The following RNF111 variants were observed in gnomAD, a reference collection of about 807,000 sequenced individuals.
RNF111 encodes ring finger protein 111.
A neutral mutation model predicts 95.1 loss-of-function variants in RNF111; 17 were observed. The ratio of observed to expected loss-of-function variants is 0.18; its 90% confidence interval spans 0.12 to 0.27. The LOEUF (loss-of-function observed/expected upper bound fraction) is 0.27, where lower values mean the gene tolerates loss of function less well. Ranked by LOEUF, RNF111 falls within the 10% of genes least tolerant of loss-of-function variation. RNF111 has a pLI of 1.00. For synonymous variants in RNF111, 440 were observed against 414.8 expected (o/e 1.06, Z -0.74); for missense variants, 1,189 against 1,210.4 (o/e 0.98, Z 0.26).
chr15:59,065,516 A>G (rs1260850341), intron 5 of RNF111, among the ~76,000 whole-genome samples: 1 of 152,232 alleles, frequency 6.6e-6, no homozygotes, highest in Non-Finnish European at 1.5e-5. Context: ...AAAGGAGGTT[A>G]AATAACTTCC....
At chr15:59,024,762 T>TC (rs2040515817) in intron 1 of RNF111, among the ~76,000 whole-genome samples, 1 of 152,216 alleles carries the variant, frequency 6.6e-6, no homozygotes, top group Non-Finnish European at 1.5e-5. Flanking sequence ...GTGCAACATC[T>TC]CCATCTATTT....
At chr15:59,071,793 T>A (rs2042940621) in intron 6 of RNF111, among the ~76,000 whole-genome samples, 2 of 152,178 alleles carry the variant, frequency 1.3e-5, no homozygotes, top group Non-Finnish European at 2.9e-5. Flanking sequence ...GGGCTTTCCC[T>A]AAAATCGTAT....
At chr15:59,011,735 T>C (rs1462061106) in intron 1 of RNF111, among the ~76,000 whole-genome samples, 1 of 152,184 alleles carries the variant, frequency 6.6e-6, no homozygotes, top group African/African-American at 2.4e-5. Flanking sequence ...TTCATATGAC[T>C]TCATCTAACA....
chr15:59,073,292 T>C (rs1047834263), intron 6 of RNF111, among the ~76,000 whole-genome samples: 19 of 152,082 alleles, frequency 1.2e-4, no homozygotes, highest in Admixed American at 4.6e-4. Flanking sequence ...GTGGGCAACA[T>C]GGTGAAACCT....
intron 7 of RNF111, among the ~76,000 whole-genome samples, chr15:59,079,493 TAGTTG>T (rs2078672811): frequency 6.6e-6 from 1 of 152,248 alleles, no homozygotes; most frequent in Non-Finnish European, 1.5e-5. Context: ...TTTGAAAATA[TAGTTG>T]AGTTATTGTT....
intron 2 of RNF111, among the ~76,000 whole-genome samples, chr15:59,032,840 A>T (rs1312731589): frequency 1.3e-5 from 2 of 152,158 alleles, no homozygotes; most frequent in Non-Finnish European, 2.9e-5. Context: ...GGTAGGGACT[A>T]TTTCCTATCA....
At chr15:58,996,121 T>C (rs532844204) in intron 1 of RNF111, among the ~76,000 whole-genome samples, 1 of 152,278 alleles carries the variant, frequency 6.6e-6, no homozygotes, top group East Asian at 1.9e-4. Flanking sequence ...ATGTTCTTAA[T>C]TGTGATCATA....
chr15:59,051,567 G>C (rs1397460077), intron 2 of RNF111, among the ~76,000 whole-genome samples: 1 of 151,534 alleles, frequency 6.6e-6, no homozygotes, highest in Non-Finnish European at 1.5e-5. Flanking sequence ...CTTAAGGTTA[G>C]AATTTCAAGA....
intron 1 of RNF111, among the ~76,000 whole-genome samples, chr15:59,019,266 G>T (rs569192386): frequency 1.3e-5 from 2 of 151,950 alleles, no homozygotes; most frequent in Non-Finnish European, 2.9e-5. Context: ...TTATTTTAAA[G>T]TTCCACTGAA....
At chr15:59,067,174 A>G (rs1295132153) in intron 6 of RNF111, 91 bp downstream of exon 6, 1 of 1,063,738 alleles carries the variant, frequency 9.4e-7, no homozygotes, top group African/African-American at 1.7e-5. Context: ...CTCTTCCTTC[A>G]TTCCTGTCTC....
intron 8 of RNF111, among the ~76,000 whole-genome samples, chr15:59,081,590 C>T (rs2078746398): frequency 6.6e-6 from 1 of 151,988 alleles, no homozygotes; most frequent in Non-Finnish European, 1.5e-5. Context: ...CTGGGTGAGG[C>T]TCATTCCCGT....
chr15:59,076,102 G>C lies in RNF111; in HGVS notation c.1835G>C (p.Ser612Thr). The change falls in exon 7 of 14, where the codon AGT becomes ACT. Residue 612 changes from serine to threonine, a missense_variant. Physicochemically the swap from Ser to Thr is moderately conservative, Grantham distance 58. Around this residue, in one of 2 missense-constraint regions of RNF111, gnomAD observed 1,024 missense variants for 925.9 expected, o/e 1.11. Transcript: ENST00000348370. ...CATCAGGCCGCTGCTGCTGCCCCAA[G>C]TCAACCTTTATCATCAATAGATGGC... is the stretch of plus-strand genomic sequence containing the variant. ...FGHQAAAAAP[S>T]QPLSSIDGYG... The C allele has an allele frequency of 1.2e-6, 2 of 1,614,122 alleles. No homozygotes were observed. The highest frequency in any genetic ancestry group is 1.7e-6 in the Non-Finnish European group (2 of 1,180,030).
At chr15:59,049,528 C>T (rs1448833002) in intron 2 of RNF111, 1 of 184,448 alleles carries the variant, frequency 5.4e-6, no homozygotes, top group South Asian at 1.1e-4. Context: ...CTTTGGCTTC[C>T]TTCTTTTTCT....
chr15:59,007,267 ATT>A (rs796816598), intron 1 of RNF111, among the ~76,000 whole-genome samples: 40 of 143,342 alleles, frequency 2.8e-4, no homozygotes, highest in Non-Finnish European at 2.2e-4. Context: ...CCAATGTTCA[ATT>A]TTTTTTTTTT....
intron 1 of RNF111, among the ~76,000 whole-genome samples, chr15:59,013,775 C>A (rs2039936887): frequency 6.6e-6 from 1 of 152,038 alleles, no homozygotes; most frequent in Non-Finnish European, 1.5e-5. Context: ...AGTATGGATT[C>A]ATGGATATTC....
chr15:59,022,103 C>T (rs1283009940), intron 1 of RNF111, among the ~76,000 whole-genome samples: 1 of 152,022 alleles, frequency 6.6e-6, no homozygotes, highest in East Asian at 1.9e-4. Flanking sequence ...AAAGTGATCT[C>T]CCCGCCTTGG....
intron 2 of RNF111, among the ~76,000 whole-genome samples, chr15:59,042,193 C>T (rs1298675791): frequency 4.6e-5 from 7 of 152,066 alleles, no homozygotes; most frequent in African/African-American, 1.4e-4. Flanking sequence ...ATATTGCTGC[C>T]TCGGCTCATT....
At chr15:59,089,332 A>G (rs1412061504) in intron 10 of RNF111, among the ~76,000 whole-genome samples, 13 of 152,192 alleles carry the variant, frequency 8.5e-5, no homozygotes, top group African/African-American at 3.1e-4. Context: ...CTTATCTTGA[A>G]GTCGAATTTT....
chr15:59,000,836 A>G (rs369395960), intron 1 of RNF111, among the ~76,000 whole-genome samples: 79 of 152,332 alleles, frequency 5.2e-4, no homozygotes, highest in African/African-American at 1.8e-3. Context: ...TTAAAGAACA[A>G]TTCAGCAAAT....
Sources: allele counts gnomAD v4.1 joint callset (sites outside exome capture counted in the v4.1 genomes callset), GRCh38; gene constraint gnomAD v4.1.1; regional missense constraint gnomAD v4.1.1; transcripts MANE v1.5; gene names NCBI Gene and HGNC (gene_info 2026-07-23, HGNC 2026-07-21).